Variants in PUDP observed in about 807,000 individuals in gnomAD.
PUDP encodes pseudouridine-5'-phosphatase.
PUDP carries 8 observed loss-of-function variants against 9.4 expected under a neutral mutation model. The ratio of observed to expected loss-of-function variants is 0.85; its 90% confidence interval spans 0.50 to 1.53. PUDP has a LOEUF of 1.53. Among genes scored for constraint, PUDP ranks in the 40% most tolerant of loss-of-function variants. The pLI is 0.00. For missense variants in PUDP, 188 were observed against 189.7 expected (o/e 0.99, Z 0.05); for synonymous variants, 99 against 80.7 (o/e 1.23, Z -1.22).
At chrX:7,027,112 G>GC (rs1929722158) in intron 1 of PUDP, among the ~76,000 whole-genome samples, 1 of 111,500 alleles carries the variant, frequency 9.0e-6, no homozygotes, top group African/African-American at 3.3e-5. Context: ...CCCAAACCAT[G>GC]CACACGTGTG....
chrX:6,878,737 G>A (rs934144007), intron 3 of PUDP, among the ~76,000 whole-genome samples: 34 of 108,376 alleles, frequency 3.1e-4, no homozygotes, highest in African/African-American at 9.2e-4. Context: ...GATTTCATAA[G>A]ATAATTTACA....
intron 3 of PUDP, among the ~76,000 whole-genome samples, chrX:6,945,694 G>T (rs992498743): frequency 3.6e-5 from 4 of 110,398 alleles, no homozygotes; most frequent in African/African-American, 1.3e-4. Context: ...ACACCTTGCA[G>T]AAAAATGCAT....
At chrX:6,844,337 C>T (rs1024014800) in intron 3 of PUDP, among the ~76,000 whole-genome samples, 93 of 112,919 alleles carry the variant, frequency 8.2e-4, no homozygotes, top group African/African-American at 2.6e-3. Context: ...GCAATTTGGT[C>T]ATGGACATCT....
At chrX:6,822,449 C>T (rs892864234) in intron 3 of PUDP, among the ~76,000 whole-genome samples, 7 of 112,168 alleles carry the variant, frequency 6.2e-5, no homozygotes, top group Non-Finnish European at 1.1e-4. Flanking sequence ...TTTTTTGAGA[C>T]GGAGTCTCGC....
intron 1 of PUDP, among the ~76,000 whole-genome samples, chrX:7,134,662 C>T (rs931095752): frequency 2.7e-5 from 3 of 111,611 alleles, no homozygotes; most frequent in South Asian, 3.8e-4. Flanking sequence ...TGGCAAAAAC[C>T]GTCATTACTT....
At chrX:6,905,155 T>C (rs756502239) in intron 3 of PUDP, among the ~76,000 whole-genome samples, 11 of 111,985 alleles carry the variant, frequency 9.8e-5, no homozygotes, top group African/African-American at 2.6e-4. Flanking sequence ...AACTTGGATA[T>C]TGAATCCTAC....
chrX:6,910,737 T>G (rs759836044), intron 3 of PUDP, among the ~76,000 whole-genome samples: 1 of 112,286 alleles, frequency 8.9e-6, no homozygotes, highest in East Asian at 2.8e-4. Context: ...TTGCTTGGGG[T>G]GCACACCTGC....
chrX:6,914,035 C>T (rs1177173249), intron 3 of PUDP, among the ~76,000 whole-genome samples: 12 of 108,423 alleles, frequency 1.1e-4, no homozygotes, highest in East Asian at 2.9e-4. Flanking sequence ...GGCGTGGTGG[C>T]GGGCACCTGT....
intron 3 of PUDP, among the ~76,000 whole-genome samples, chrX:6,866,585 AG>A (rs1927090178): frequency 9.0e-6 from 1 of 111,379 alleles, no homozygotes; most frequent in Non-Finnish European, 1.9e-5. Context: ...GATTTGCCTT[AG>A]GAAGATGGTG....
At chrX:7,069,567 G>T (rs894241307) in intron 3 of PUDP, among the ~76,000 whole-genome samples, 1 of 110,562 alleles carries the variant, frequency 9.0e-6, no homozygotes, top group African/African-American at 3.3e-5. Flanking sequence ...GGGTGTTGGG[G>T]AGAAGCAGAT....
At chrX:6,863,861 G>A (rs1379509822) in intron 3 of PUDP, among the ~76,000 whole-genome samples, 2 of 112,022 alleles carry the variant, frequency 1.8e-5, no homozygotes, top group Non-Finnish European at 3.8e-5. Flanking sequence ...ACTTCAGCAA[G>A]GGTATGGTTC....
intron 3 of PUDP, among the ~76,000 whole-genome samples, chrX:7,071,749 C>T (rs1377152610): frequency 1.9e-5 from 2 of 105,698 alleles, no homozygotes; most frequent in Non-Finnish European, 1.9e-5. Flanking sequence ...ACCTGTATCC[C>T]TAAGTCACCA....
chrX:7,021,180 C>T (rs1433242223), intron 1 of PUDP, among the ~76,000 whole-genome samples: 1 of 112,025 alleles, frequency 8.9e-6, no homozygotes, highest in Non-Finnish European at 1.9e-5. Context: ...TGCTCAAACA[C>T]GTGTCCTTTT....
chrX:6,843,761 T>C (rs1343585060), intron 3 of PUDP, among the ~76,000 whole-genome samples: 1 of 112,328 alleles, frequency 8.9e-6, no homozygotes. Context: ...AAATTCTGCA[T>C]CATAGTTTTG....
intron 3 of PUDP, among the ~76,000 whole-genome samples, chrX:6,927,037 C>T (rs1265217011): frequency 1.9e-5 from 2 of 106,814 alleles, no homozygotes; most frequent in Non-Finnish European, 3.8e-5. Context: ...AAGCAATCCT[C>T]CTGCGTCAGC....
At chrX:6,911,779 T>G (rs1280647183) in intron 3 of PUDP, among the ~76,000 whole-genome samples, 2 of 112,245 alleles carry the variant, frequency 1.8e-5, no homozygotes, top group African/African-American at 6.5e-5. Flanking sequence ...TCAATTTCCA[T>G]GTGGTCAAAG....
At chrX:6,923,068 T>C (rs1272265967) in intron 3 of PUDP, among the ~76,000 whole-genome samples, 4 of 111,860 alleles carry the variant, frequency 3.6e-5, no homozygotes, top group Non-Finnish European at 5.6e-5. Flanking sequence ...AATCCAATGG[T>C]TATTTCTCAC....
intron 3 of PUDP, among the ~76,000 whole-genome samples, chrX:6,756,371 T>C (rs1925169330): frequency 8.9e-6 from 1 of 112,459 alleles, no homozygotes; most frequent in African/African-American, 3.2e-5. Flanking sequence ...ATGTGGTCAA[T>C]ACATGCAATG....
At chrX:7,139,821 A>T (rs1932779281) in intron 1 of PUDP, among the ~76,000 whole-genome samples, 1 of 112,011 alleles carries the variant, frequency 8.9e-6, no homozygotes, top group African/African-American at 3.2e-5. Flanking sequence ...CAAGGGCCCC[A>T]CCAAGCGCCA....
Sources: allele counts gnomAD v4.1 joint callset (sites outside exome capture counted in the v4.1 genomes callset), GRCh38; gene constraint gnomAD v4.1.1; transcripts MANE v1.5; gene names NCBI Gene and HGNC (gene_info 2026-07-23, HGNC 2026-07-21).